Variants in RXFP1 observed in about 807,000 individuals in gnomAD.
RXFP1 encodes relaxin family peptide receptor 1.
A neutral mutation model predicts 89.8 loss-of-function variants in RXFP1; 73 were observed. The ratio of observed to expected loss-of-function variants is 0.81; its 90% CI spans 0.67 to 0.99. RXFP1 has a LOEUF of 0.99. Among genes scored for constraint, RXFP1 ranks in the 50% least tolerant of loss-of-function variants. RXFP1 has a pLI of 0.00. For synonymous variants in RXFP1, 277 were observed against 305.5 expected, an observed-to-expected ratio of 0.91 and a Z score of 0.97; for missense variants, 793 against 895.5, an observed-to-expected ratio of 0.89 and a Z score of 1.46.
intron 14 of RXFP1, among the ~76,000 whole-genome samples, chr4:158,640,926 G>C (rs1327008460): frequency 2.0e-5 from 3 of 152,190 alleles, no homozygotes; most frequent in Admixed American, 2.0e-4. Context: ...TTTATTCAAA[G>C]AGTATGTCTA....
chr4:158,542,851 AG>A (rs1490555617), intron 1 of RXFP1, among the ~76,000 whole-genome samples: 9 of 152,234 alleles, frequency 5.9e-5, no homozygotes, highest in Admixed American at 6.5e-5. Context: ...AACAAACAGA[AG>A]GACCAAGCAA....
intron 1 of RXFP1, among the ~76,000 whole-genome samples, chr4:158,532,466 C>T (rs1211435106): frequency 3.9e-5 from 6 of 152,116 alleles, no homozygotes; most frequent in South Asian, 2.1e-4. Flanking sequence ...ATCTTACCTG[C>T]GCTACCCTTT....
intron 2 of RXFP1, among the ~76,000 whole-genome samples, chr4:158,585,082 G>A (rs921790333): frequency 6.6e-6 from 1 of 152,308 alleles, no homozygotes; most frequent in African/African-American, 2.4e-5. Context: ...GCTGGTCCCA[G>A]ATATACACTT....
intron 5 of RXFP1, among the ~76,000 whole-genome samples, chr4:158,606,573 G>A (rs765363229): frequency 3.3e-5 from 5 of 151,950 alleles, no homozygotes; most frequent in Non-Finnish European, 5.9e-5. Context: ...CAGCATGTCC[G>A]GTTCAGGTGC....
At chr4:158,597,135 G>A (rs1465390732) in intron 3 of RXFP1, among the ~76,000 whole-genome samples, 1 of 152,010 alleles carries the variant, frequency 6.6e-6, no homozygotes. Flanking sequence ...TAAAACTTGG[G>A]GTTAAAATTT....
rs1305180594 is a variant in RXFP1 at position 158,610,517 on chromosome 4, A to G, written c.537-1613A>G. 1.4e-5 allele frequency: 6 copies of G among 415,288 alleles called. No individual in the cohort carries two copies. In the East Asian group the frequency reaches 4.2e-4, roughly 29 times the overall value. The allele number at this position is 415,288 out of a possible 1,614,324, so 25.7% of individuals were successfully genotyped here. A position where few individuals can be genotyped will look rare whatever the true frequency, so the allele number is the denominator to read the frequency against. On this transcript the variant is annotated intron_variant, in intron 6 of 17. Coordinates refer to ENST00000307765, the MANE Select transcript of RXFP1 (RefSeq NM_021634.4). The stretch of plus-strand genomic sequence containing the variant: ...GTTTATGATCTAAGATGGGAAAACA[A>G]TGCCAACATATATAAAACATTAGAG...
chr4:158,600,765 T>G (rs1365116892), intron 4 of RXFP1, among the ~76,000 whole-genome samples: 1 of 151,880 alleles, frequency 6.6e-6, no homozygotes, highest in Non-Finnish European at 1.5e-5. Flanking sequence ...AGGTCAAGGC[T>G]GCAGTGAGCT....
chr4:158,644,041 C>CTTTTTT (rs70962619), intron 14 of RXFP1, among the ~76,000 whole-genome samples: 2 of 78,310 alleles, frequency 2.6e-5, no homozygotes, highest in Admixed American at 1.5e-4. Flanking sequence ...TCTATGTCTT[C>CTTTTTT]TTTTTTTTTT....
chr4:158,641,322 G>A (rs1183023172), intron 14 of RXFP1, among the ~76,000 whole-genome samples: 1 of 152,134 alleles, frequency 6.6e-6, no homozygotes, highest in Non-Finnish European at 1.5e-5. Context: ...AGTTGATCAC[G>A]TCTAGGGTAC....
chr4:158,542,328 T>C lies in RXFP1; in HGVS notation c.49+20303T>C, dbSNP rs74764192. Among the ~76,000 whole-genome samples, 265 of 151,678 alleles carry C rather than the reference T, an allele frequency of 1.7e-3. 1 individual carries two copies. Among genetic ancestry groups the C allele is most frequent in the African/African-American group, 6.0e-3 (248 of 41,368 alleles). On this transcript the variant is annotated intron_variant, in intron 1 of 17. Transcript: ENST00000307765. ...TGTATAATCTTTTATCAGGAAACAA[T>C]GACATTGTGAGATTTGAAGAATATG...
At chr4:158,547,821 G>C (rs937554242) in intron 1 of RXFP1, among the ~76,000 whole-genome samples, 1 of 152,100 alleles carries the variant, frequency 6.6e-6, no homozygotes, top group African/African-American at 2.4e-5. Flanking sequence ...GAGACAGTTT[G>C]TTATAATTTC....
chr4:158,592,212 A>G (rs946096300), intron 2 of RXFP1, among the ~76,000 whole-genome samples: 3 of 152,336 alleles, frequency 2.0e-5, no homozygotes, highest in Middle Eastern at 3.4e-3. Flanking sequence ...TTTAGATACC[A>G]TGGTGCCTTT....
intron 17 of RXFP1, among the ~76,000 whole-genome samples, chr4:158,650,171 C>A (rs1442602080): frequency 6.6e-6 from 1 of 152,022 alleles, no homozygotes; most frequent in South Asian, 2.1e-4. Context: ...ACTTACATGA[C>A]GTTTCTGATA....
intron 11 of RXFP1, among the ~76,000 whole-genome samples, chr4:158,632,830 G>T (rs2150209230): frequency 6.6e-6 from 1 of 152,238 alleles, no homozygotes; most frequent in African/African-American, 2.4e-5. Flanking sequence ...AACAAAGGAA[G>T]AAGGGGCACA....
intron 9 of RXFP1, 46 bp from the exon 10 acceptor site, chr4:158,626,774 C>A (rs766922890): frequency 1.7e-6 from 2 of 1,163,430 alleles, no homozygotes; most frequent in South Asian, 1.4e-5. Flanking sequence ...ATTTATTTCT[C>A]TCCATGATTA....
chr4:158,632,790 A>G (rs1768331762), intron 11 of RXFP1, among the ~76,000 whole-genome samples: 2 of 152,190 alleles, frequency 1.3e-5, no homozygotes, highest in Non-Finnish European at 2.9e-5. Context: ...ATCGCAAACC[A>G]TGCATCTATT....
At chr4:158,526,184 A>G (rs1488009827) in intron 1 of RXFP1, among the ~76,000 whole-genome samples, 1 of 152,234 alleles carries the variant, frequency 6.6e-6, no homozygotes, top group Non-Finnish European at 1.5e-5. Flanking sequence ...TACATTCCTC[A>G]GTGTACACCA....
At chr4:158,608,279 CTTTTTTTT>C (rs756131500) in intron 6 of RXFP1, among the ~76,000 whole-genome samples, 4 of 76,092 alleles carry the variant, frequency 5.3e-5, no homozygotes, top group African/African-American at 1.3e-4. Flanking sequence ...GTATTCCTTT[CTTTTTTTT>C]TTTTTTTTTT....
intron 6 of RXFP1, 69 bp from the exon 7 acceptor site, chr4:158,612,061 G>T: frequency 7.8e-7 from 1 of 1,286,560 alleles, no homozygotes; most frequent in Non-Finnish European, 1.1e-6. Context: ...GATGATTATT[G>T]TTTTTACTTT....
Sources: gnomAD v4.1 joint callset for allele counts (sites outside exome capture counted in the v4.1 genomes callset) on GRCh38, gnomAD v4.1.1 for gene constraint, MANE v1.5 for transcripts, NCBI Gene and HGNC (gene_info 2026-07-23, HGNC 2026-07-21) for gene names.